FER: variants seen among roughly 807,000 people sequenced by gnomAD.
FER encodes the protein FER tyrosine kinase.
In FER, 63 loss-of-function variants were observed where a neutral mutation model predicts 111.0. The observed-to-expected ratio is 0.57, with a 90% CI of 0.46 to 0.70. The LOEUF (loss-of-function observed/expected upper bound fraction) is 0.70. FER is among the 30% of genes least tolerant of loss of function. The probability of loss-of-function intolerance (pLI) is 0.00; values close to 1 mark genes in which losing one functional copy is unlikely to be tolerated. For missense variants in FER, 914 were observed against 954.0 expected (o/e 0.96, Z 0.55); for synonymous variants, 327 against 313.9 (o/e 1.04, Z -0.44).
intron 5 of FER, among the ~76,000 whole-genome samples, chr5:108,864,196 C>T (rs1225270689): frequency 2.6e-5 from 4 of 152,068 alleles, no homozygotes; most frequent in Non-Finnish European, 5.9e-5. Flanking sequence ...ATGTGTTGCT[C>T]CATAGAAGTC....
chr5:109,044,564 C>T (rs1373429721), intron 14 of FER, 116 bp from the exon 15 acceptor site: 1 of 560,820 alleles, frequency 1.8e-6, no homozygotes, highest in Non-Finnish European at 3.2e-6. Flanking sequence ...TAGTTCATCA[C>T]TGGTGATATT....
chr5:108,900,561 C>A (rs1749860774), intron 10 of FER, among the ~76,000 whole-genome samples: 1 of 152,116 alleles, frequency 6.6e-6, no homozygotes, highest in African/African-American at 2.4e-5. Context: ...ATTGGAAGAA[C>A]TCAAAATTAA....
chr5:108,973,526 A>G (rs1760952124), intron 13 of FER, among the ~76,000 whole-genome samples: 1 of 152,114 alleles, frequency 6.6e-6, no homozygotes. Context: ...CAATTTGTAT[A>G]TATTAAAACT....
rs1241718575 is a variant in FER, at chr5:108,798,401, AATTTCACTCTTTGTTATTTATAACAT to A, written c.207+13_207+38del. 3.2e-6 allele frequency: 5 copies of A among 1,586,188 alleles called. 1 individual carries two copies. The highest frequency in any genetic ancestry group is 4.3e-6 in the Non-Finnish European group (5 of 1,157,160). On this transcript the variant is annotated intron_variant, in intron 3 of 19. Transcript: ENST00000281092. Reference sequence around the variant, plus strand: ...GCAACGTATCCAAGGTAAGAAGAATAATTTCACTCTTTGTTATTTATAACATTATAATTGTCCTTAAAATGCAATAG... The same window carrying A: ...GCAACGTATCCAAGGTAAGAAGAATATATAATTGTCCTTAAAATGCAATAG...
At chr5:109,001,536 G>A (rs1292678719) in intron 13 of FER, among the ~76,000 whole-genome samples, 1 of 152,164 alleles carries the variant, frequency 6.6e-6, no homozygotes, top group Non-Finnish European at 1.5e-5. Context: ...CATACTGAAT[G>A]TACAAAAACT....
At chr5:108,777,326 C>G (rs1405360039) in intron 2 of FER, among the ~76,000 whole-genome samples, 1 of 152,098 alleles carries the variant, frequency 6.6e-6, no homozygotes, top group Non-Finnish European at 1.5e-5. Flanking sequence ...GAGAAAGGTA[C>G]AGAGATTTCC....
chr5:108,907,332 T>C (rs960886160), intron 10 of FER, among the ~76,000 whole-genome samples: 3 of 152,064 alleles, frequency 2.0e-5, no homozygotes, highest in Non-Finnish European at 2.9e-5. Context: ...TCTCACTCTG[T>C]TGCCCAGGCT....
intron 17 of FER, among the ~76,000 whole-genome samples, chr5:109,140,153 T>G (rs992209704): frequency 6.6e-6 from 1 of 152,216 alleles, no homozygotes; most frequent in Non-Finnish European, 1.5e-5. Context: ...AACATATGCT[T>G]ATTATATTAA....
At chr5:108,860,885 G>A (rs1480306199) in intron 5 of FER, among the ~76,000 whole-genome samples, 7 of 152,182 alleles carry the variant, frequency 4.6e-5, no homozygotes, top group African/African-American at 2.4e-5. Flanking sequence ...CTTCATGGTG[G>A]CAGGTGAGAG....
At chr5:108,847,559 A>C (rs1042409610) in intron 5 of FER, among the ~76,000 whole-genome samples, 10 of 152,104 alleles carry the variant, frequency 6.6e-5, no homozygotes, top group Non-Finnish European at 1.5e-4. Context: ...TTATGTTCTT[A>C]ACAATTTTTT....
intron 14 of FER, among the ~76,000 whole-genome samples, chr5:109,041,649 T>C (rs565794296): frequency 6.6e-6 from 1 of 152,216 alleles, no homozygotes; most frequent in East Asian, 1.9e-4. Context: ...TGTTGGAAGG[T>C]CCTTTAAATG....
intron 13 of FER, among the ~76,000 whole-genome samples, chr5:109,021,738 A>C (rs1767953959): frequency 6.6e-6 from 1 of 152,096 alleles, no homozygotes; most frequent in Non-Finnish European, 1.5e-5. Flanking sequence ...ATTGAAAAGC[A>C]AAAAAACAAG....
intron 17 of FER, among the ~76,000 whole-genome samples, chr5:109,171,404 G>GA (rs1757078381): frequency 6.6e-6 from 1 of 152,126 alleles, no homozygotes; most frequent in African/African-American, 2.4e-5. Flanking sequence ...ACTGCTTATG[G>GA]AAAAAATCTG....
At chr5:108,771,068 T>C (rs543663761) in intron 2 of FER, among the ~76,000 whole-genome samples, 1 of 152,018 alleles carries the variant, frequency 6.6e-6, no homozygotes, top group East Asian at 1.9e-4. Flanking sequence ...CCCGAGTAGC[T>C]GGGATTACAG....
chr5:108,978,947 A>G (rs1426648563), intron 13 of FER, among the ~76,000 whole-genome samples: 3 of 152,318 alleles, frequency 2.0e-5, no homozygotes, highest in East Asian at 3.9e-4. Flanking sequence ...TGGAAGTGTT[A>G]TGCAACTACC....
intron 13 of FER, among the ~76,000 whole-genome samples, chr5:108,985,146 G>T (rs949327669): frequency 7.2e-5 from 11 of 152,186 alleles, no homozygotes; most frequent in African/African-American, 2.4e-4. Flanking sequence ...ATGGAGAGTG[G>T]ACATGGGCTG....
chr5:108,768,040 T>G (rs1278209828), intron 1 of FER, 53 bp from the exon 2 acceptor site: 4 of 152,236 alleles, frequency 2.6e-5, no homozygotes, highest in Non-Finnish European at 5.9e-5. Flanking sequence ...GTGTACATTT[T>G]TATCTCTTTC....
intron 12 of FER, among the ~76,000 whole-genome samples, chr5:108,955,824 T>C (rs1758351066): frequency 6.6e-6 from 1 of 151,824 alleles, no homozygotes. Flanking sequence ...CAGGTGTATG[T>C]ACACAGACAT....
intron 13 of FER, among the ~76,000 whole-genome samples, chr5:109,015,478 G>A (rs1766954355): frequency 6.6e-6 from 1 of 151,796 alleles, no homozygotes; most frequent in Non-Finnish European, 1.5e-5. Context: ...TGCCCATTAT[G>A]TGACAGCTTC....
Sources: gnomAD v4.1 joint callset for allele counts (sites outside exome capture counted in the v4.1 genomes callset) on GRCh38, gnomAD v4.1.1 for gene constraint, MANE v1.5 for transcripts, NCBI Gene and HGNC (gene_info 2026-07-23, HGNC 2026-07-21) for gene names.